PIP4K2A: variants seen among roughly 807,000 people sequenced by gnomAD.
PIP4K2A encodes the protein phosphatidylinositol-5-phosphate 4-kinase type 2 alpha, also known as phosphatidylinositol 5-phosphate 4-kinase type-2 alpha.
Under a neutral mutation model 42.9 loss-of-function variants are expected in PIP4K2A, and 14 were observed. That is an observed-to-expected ratio of 0.33 (90% confidence interval 0.22 to 0.51). PIP4K2A has a LOEUF of 0.51. Ranked by LOEUF, PIP4K2A falls within the 20% of genes least tolerant of loss-of-function variation. The pLI, the probability that PIP4K2A is intolerant of heterozygous loss-of-function variation, is 0.97. For synonymous variants in PIP4K2A, 192 were observed against 192.2 expected (o/e 1.00, Z 0.01); for missense variants, 434 against 519.8 (o/e 0.83, Z 1.61).
intron 1 of PIP4K2A, among the ~76,000 whole-genome samples, chr10:22,623,545 C>A (rs889516389): frequency 2.0e-5 from 3 of 151,462 alleles, no homozygotes; most frequent in African/African-American, 7.3e-5. Context: ...CCAATGTGAG[C>A]GTCATGAGCT....
chr10:22,629,274 T>A (rs1778318), intron 1 of PIP4K2A, among the ~76,000 whole-genome samples: 10,015 of 152,210 alleles, frequency 0.066, 497 homozygotes, highest in African/African-American at 0.14. Context: ...TCATTTAATA[T>A]TTTACTTTTA....
At chr10:22,699,310 C>T (rs1387722311) in intron 1 of PIP4K2A, among the ~76,000 whole-genome samples, 1 of 152,060 alleles carries the variant, frequency 6.6e-6, no homozygotes, top group Non-Finnish European at 1.5e-5. Context: ...TTTGATTCTA[C>T]AGGAAATGTA....
intron 1 of PIP4K2A, among the ~76,000 whole-genome samples, chr10:22,642,847 G>T (rs1013826986): frequency 6.6e-6 from 1 of 152,086 alleles, no homozygotes. Context: ...GACCTTCCTA[G>T]ATAGTAATTC....
rs1457424640 is a variant in PIP4K2A, at chr10:22,713,961, C to G, written c.144+222G>C. Reference sequence around the variant, plus strand: ...ATGCACACGGGACCCCCGACCCGCACCGGGCCATAGATCTAAAGGGGACGC... The same window carrying G: ...ATGCACACGGGACCCCCGACCCGCAGCGGGCCATAGATCTAAAGGGGACGC... On this transcript the variant is annotated intron_variant, in intron 1 of 9. Coordinates refer to ENST00000376573, the MANE Select transcript of PIP4K2A (RefSeq NM_005028.5). The G allele has an allele frequency of 1.2e-5, 5 of 418,044 alleles. No individual in the cohort carries two copies. The East Asian group carries it at 1.6e-4, about 14-fold the overall frequency. 25.9% of individuals were successfully genotyped at this position (418,044 alleles called of 1,614,324 possible).
chr10:22,565,174 C>T lies in PIP4K2A; in HGVS notation c.678+2677G>A, dbSNP rs527936122. On this transcript the variant is annotated intron_variant, in intron 6 of 9. Transcript: ENST00000376573. ...CCTCCTGGGGGACCTCACCCACTTT[C>T]CTGTCTCTGCCAACCATCCTTTCAG... is the stretch of plus-strand genomic sequence containing the variant. Among the ~76,000 whole-genome samples, 5 of 152,288 alleles carry T rather than the reference C, an allele frequency of 3.3e-5. No homozygotes were observed. The East Asian group carries it at 7.7e-4, about 24-fold the overall frequency.
chr10:22,683,053 G>T (rs1275215332), intron 1 of PIP4K2A, among the ~76,000 whole-genome samples: 1 of 142,620 alleles, frequency 7.0e-6, no homozygotes, highest in Non-Finnish European at 1.5e-5. Flanking sequence ...AAAAAGAAAA[G>T]AAAAAGAAAA....
At chr10:22,574,873 T>A (rs1343046385) in intron 4 of PIP4K2A, among the ~76,000 whole-genome samples, 2 of 152,206 alleles carry the variant, frequency 1.3e-5, no homozygotes, top group Non-Finnish European at 2.9e-5. Context: ...ACATCTGATC[T>A]AGAGAAATGA....
At chr10:22,703,882 G>C (rs750572679) in intron 1 of PIP4K2A, among the ~76,000 whole-genome samples, 1 of 152,114 alleles carries the variant, frequency 6.6e-6, no homozygotes, top group Non-Finnish European at 1.5e-5. Context: ...GCATAATCAA[G>C]GTTGCTCCCT....
intron 1 of PIP4K2A, among the ~76,000 whole-genome samples, chr10:22,615,920 T>C (rs1245360726): frequency 1.3e-5 from 2 of 152,052 alleles, no homozygotes; most frequent in East Asian, 3.9e-4. Context: ...CAGGGCATCC[T>C]GGGAGCGACT....
intron 3 of PIP4K2A, among the ~76,000 whole-genome samples, chr10:22,600,419 G>A (rs1012522150): frequency 1.3e-5 from 2 of 152,202 alleles, no homozygotes; most frequent in East Asian, 1.9e-4. Context: ...TGACAGCTGG[G>A]GGGCCGGAGA....
intron 4 of PIP4K2A, among the ~76,000 whole-genome samples, chr10:22,577,912 T>G (rs938140484): frequency 6.6e-5 from 10 of 152,216 alleles, no homozygotes; most frequent in African/African-American, 2.2e-4. Flanking sequence ...AACGTACACT[T>G]TGAGGGCAAC....
intron 5 of PIP4K2A, 69 bp downstream of exon 5, chr10:22,573,242 A>G: frequency 5.0e-6 from 7 of 1,399,758 alleles, no homozygotes; most frequent in South Asian, 1.2e-5. Context: ...CTGATGATCA[A>G]TGACAACATT....
chr10:22,711,676 C>T (rs1404969536), intron 1 of PIP4K2A, among the ~76,000 whole-genome samples: 1 of 152,218 alleles, frequency 6.6e-6, no homozygotes, highest in Non-Finnish European at 1.5e-5. Context: ...GTGGAAGATG[C>T]TCGTATACAA....
chr10:22,574,441 T>TG (rs147553647), intron 4 of PIP4K2A, among the ~76,000 whole-genome samples: 1 of 17,650 alleles, frequency 5.7e-5, no homozygotes, highest in Non-Finnish European at 1.2e-4. Flanking sequence ...TTTTTCATTT[T>TG]CTGTTTTTTT....
chr10:22,593,670 A>C (rs541191717), intron 3 of PIP4K2A, among the ~76,000 whole-genome samples: 2 of 152,354 alleles, frequency 1.3e-5, no homozygotes, highest in South Asian at 2.1e-4. Context: ...TTTTTCTTGC[A>C]ATCACTAATT....
intron 4 of PIP4K2A, among the ~76,000 whole-genome samples, chr10:22,578,364 C>T (rs1437177324): frequency 6.6e-6 from 1 of 152,192 alleles, no homozygotes; most frequent in African/African-American, 2.4e-5. Flanking sequence ...AGCAACTGTT[C>T]CCCCTGAGAT....
intron 1 of PIP4K2A, among the ~76,000 whole-genome samples, chr10:22,674,244 C>A (rs1461169689): frequency 5.3e-5 from 8 of 152,070 alleles, no homozygotes; most frequent in African/African-American, 1.9e-4. Context: ...CATTAACTAG[C>A]CTTCATATCA....
At chr10:22,621,512 G>GA (rs1838330496) in intron 1 of PIP4K2A, among the ~76,000 whole-genome samples, 1 of 152,226 alleles carries the variant, frequency 6.6e-6, no homozygotes, top group Non-Finnish European at 1.5e-5. Flanking sequence ...AGTAAGCTGT[G>GA]AAGGCAAAGC....
chr10:22,589,017 G>T (rs1588646259), intron 4 of PIP4K2A, among the ~76,000 whole-genome samples: 1 of 152,120 alleles, frequency 6.6e-6, no homozygotes, highest in East Asian at 1.9e-4. Flanking sequence ...CCTATGTTAG[G>T]TTACAATAAC....
Sources: gnomAD v4.1 joint callset for allele counts (sites outside exome capture counted in the v4.1 genomes callset) on GRCh38, gnomAD v4.1.1 for gene constraint, MANE v1.5 for transcripts, NCBI Gene and HGNC (gene_info 2026-07-23, HGNC 2026-07-21) for gene names.